The following SBF2 variants were observed in gnomAD, a reference collection of about 807,000 sequenced individuals.
SBF2 encodes the protein myotubularin-related protein 13.
Under a neutral mutation model 225.2 loss-of-function variants are expected in SBF2, and 112 were observed. The ratio of observed to expected loss-of-function variants is 0.50; its 90% CI spans 0.43 to 0.58. The LOEUF (loss-of-function observed/expected upper bound fraction) is 0.58, where lower values mean the gene tolerates loss of function less well. Ranked by LOEUF, SBF2 falls within the 20% of genes least tolerant of loss-of-function variation. The pLI, the probability that SBF2 is intolerant of heterozygous loss-of-function variation, is 0.00. For synonymous variants in SBF2, 763 were observed against 773.3 expected (o/e 0.99, Z 0.22); for missense variants, 1,996 against 2,206.2 (o/e 0.90, Z 1.91).
intron 17 of SBF2, among the ~76,000 whole-genome samples, chr11:9,888,346 T>C (rs559470942): frequency 2.0e-5 from 3 of 151,694 alleles, no homozygotes; most frequent in African/African-American, 7.3e-5. Flanking sequence ...AAGAAAAAAA[T>C]TTTTTTAAAT....
intron 2 of SBF2, among the ~76,000 whole-genome samples, chr11:10,115,610 T>C (rs1413946291): frequency 3.9e-5 from 6 of 152,200 alleles, no homozygotes; most frequent in Non-Finnish European, 8.8e-5. Context: ...TTCTAGATAC[T>C]AAATCCTGCA....
intron 16 of SBF2, among the ~76,000 whole-genome samples, chr11:9,908,353 C>A (rs527666884): frequency 1.3e-5 from 2 of 152,142 alleles, no homozygotes; most frequent in Non-Finnish European, 1.5e-5. Flanking sequence ...GGGCTTGGTG[C>A]GGTGGCTCAC....
intron 2 of SBF2, among the ~76,000 whole-genome samples, chr11:10,130,668 T>C (rs1565264216): frequency 6.6e-6 from 1 of 152,200 alleles, no homozygotes; most frequent in East Asian, 1.9e-4. Context: ...AGCTTCCTCA[T>C]GCTACACTTT....
intron 2 of SBF2, among the ~76,000 whole-genome samples, chr11:10,156,632 A>G (rs1955488170): frequency 6.6e-6 from 1 of 152,236 alleles, no homozygotes; most frequent in South Asian, 2.1e-4. Flanking sequence ...ACCAATCAGC[A>G]CACAGAGCCA....
chr11:10,124,116 C>G (rs776105236), intron 2 of SBF2, among the ~76,000 whole-genome samples: 6 of 152,170 alleles, frequency 3.9e-5, no homozygotes, highest in Non-Finnish European at 7.4e-5. Flanking sequence ...GGCAGCTTCT[C>G]ATGGTTTCTG....
chr11:10,287,953 G>A (rs1456461943), intron 1 of SBF2, among the ~76,000 whole-genome samples: 1 of 152,214 alleles, frequency 6.6e-6, no homozygotes, highest in Admixed American at 6.5e-5. Context: ...CCACAGGGTG[G>A]GCAGCTCCAG....
chr11:10,188,077 G>A (rs562569225), intron 2 of SBF2, among the ~76,000 whole-genome samples: 228 of 152,224 alleles, frequency 1.5e-3, no homozygotes, highest in Non-Finnish European at 2.6e-3. Flanking sequence ...TTCAAATCCC[G>A]TATTCTTTCT....
intron 2 of SBF2, among the ~76,000 whole-genome samples, chr11:10,107,997 G>A (rs1251881729): frequency 6.6e-6 from 1 of 152,086 alleles, no homozygotes; most frequent in East Asian, 1.9e-4. Flanking sequence ...AAACTTCTAA[G>A]GTGATAGATA....
intron 2 of SBF2, among the ~76,000 whole-genome samples, chr11:10,134,096 G>A (rs1207819961): frequency 6.6e-6 from 1 of 152,158 alleles, no homozygotes. Flanking sequence ...TGGCTGGGGA[G>A]GCCTCACAAT....
intron 16 of SBF2, among the ~76,000 whole-genome samples, chr11:9,920,219 T>TATAC (rs1554954766): frequency 0.096 from 14,253 of 149,076 alleles, 795 homozygotes; most frequent in Non-Finnish European, 0.11. Flanking sequence ...TATATATATA[T>TATAC]ACACACACAT....
At chr11:9,829,521 A>G in intron 27 of SBF2, 25 bp from the exon 28 acceptor site, 8 of 1,556,756 alleles carry the variant, frequency 5.1e-6, no homozygotes, top group Non-Finnish European at 7.1e-6. Flanking sequence ...TATATTGAAT[A>G]AAATAAACTG....
intron 1 of SBF2, among the ~76,000 whole-genome samples, chr11:10,285,079 G>C (rs1303468463): frequency 6.6e-6 from 1 of 152,106 alleles, no homozygotes; most frequent in East Asian, 1.9e-4. Context: ...GGAAGTTCAG[G>C]CAAAAGGACT....
At chr11:10,103,558 T>C (rs1952411136) in intron 2 of SBF2, among the ~76,000 whole-genome samples, 1 of 152,244 alleles carries the variant, frequency 6.6e-6, no homozygotes, top group South Asian at 2.1e-4. Context: ...TACCTGTGGC[T>C]AAGACTTTTT....
At chr11:10,031,267 T>C in intron 3 of SBF2, 97 bp from the exon 4 acceptor site, 1 of 1,147,268 alleles carries the variant, frequency 8.7e-7, no homozygotes, top group Non-Finnish European at 1.2e-6. Flanking sequence ...CTTATGCAAA[T>C]TCAAAATTAA....
chr11:9,920,402 T>C (rs1590451836), intron 16 of SBF2, among the ~76,000 whole-genome samples: 1 of 152,136 alleles, frequency 6.6e-6, no homozygotes, highest in Non-Finnish European at 1.5e-5. Context: ...GCTTTGTGTG[T>C]AGTTTATGAG....
intron 13 of SBF2, among the ~76,000 whole-genome samples, chr11:9,986,485 A>T (rs926176145): frequency 6.6e-6 from 1 of 152,196 alleles, no homozygotes; most frequent in Admixed American, 6.5e-5. Flanking sequence ...AAGATAAATG[A>T]AACAAAAAGC....
chr11:9,848,677 G>GT (rs1348239401), intron 22 of SBF2, among the ~76,000 whole-genome samples: 7 of 152,204 alleles, frequency 4.6e-5, no homozygotes, highest in African/African-American at 7.2e-5. Context: ...ATAAAAAATT[G>GT]TAAGTACTGC....
intron 2 of SBF2, among the ~76,000 whole-genome samples, chr11:10,126,892 ATGACCCT>A (rs1953781773): frequency 6.6e-6 from 1 of 152,124 alleles, no homozygotes; most frequent in South Asian, 2.1e-4. Flanking sequence ...TATACCATGG[ATGACCCT>A]TGAAGTCATT....
intron 16 of SBF2, among the ~76,000 whole-genome samples, chr11:9,938,102 T>C (rs1339311162): frequency 2.6e-5 from 4 of 151,836 alleles, no homozygotes; most frequent in African/African-American, 4.8e-5. Context: ...CCATCCTGGT[T>C]AACACAGTGA....
Sources: gnomAD v4.1 joint callset for allele counts (sites outside exome capture counted in the v4.1 genomes callset) on GRCh38, gnomAD v4.1.1 for gene constraint, MANE v1.5 for transcripts, NCBI Gene and HGNC (gene_info 2026-07-23, HGNC 2026-07-21) for gene names.